PDE4D: variants seen among roughly 807,000 people sequenced by gnomAD.
PDE4D encodes the protein 3',5'-cyclic-AMP phosphodiesterase 4D.
PDE4D carries 24 observed loss-of-function variants against 87.4 expected under a neutral mutation model. The ratio of observed to expected loss-of-function variants is 0.27; its 90% CI spans 0.20 to 0.39. PDE4D has a LOEUF of 0.39. Among genes scored for constraint, PDE4D ranks in the 10% least tolerant of loss-of-function variants. PDE4D has a pLI of 1.00. For missense variants in PDE4D, 714 were observed against 1,041.0 expected, an observed-to-expected ratio of 0.69 and a Z score of 4.32; for synonymous variants, 384 against 383.2, an observed-to-expected ratio of 1.00 and a Z score of -0.02.
chr5:59,726,721 A>T (rs1363485619), intron 1 of PDE4D, among the ~76,000 whole-genome samples: 1 of 152,132 alleles, frequency 6.6e-6, no homozygotes, highest in South Asian at 2.1e-4. Context: ...TATTGATACA[A>T]CTTTAGCTAA....
chr5:59,973,418 A>G (rs564223931), intron 3 of PDE4D, among the ~76,000 whole-genome samples: 4 of 152,300 alleles, frequency 2.6e-5, no homozygotes, highest in Admixed American at 6.5e-5. Context: ...AAAACATTCT[A>G]AATACTTCCA....
chr5:59,461,782 T>TGCC (rs1800821180), intron 1 of PDE4D, among the ~76,000 whole-genome samples: 1 of 152,182 alleles, frequency 6.6e-6, no homozygotes, highest in South Asian at 2.1e-4. Context: ...TCTCCTAGTA[T>TGCC]GCCATCCTGG....
intron 2 of PDE4D, among the ~76,000 whole-genome samples, chr5:60,122,254 C>T (rs2149380898): frequency 1.3e-5 from 2 of 152,286 alleles, no homozygotes; most frequent in Admixed American, 1.3e-4. Context: ...GGCTGTGGCC[C>T]TCTTCTCATA....
intron 1 of PDE4D, among the ~76,000 whole-genome samples, chr5:59,301,566 C>T (rs976931915): frequency 2.0e-5 from 3 of 152,012 alleles, no homozygotes; most frequent in Non-Finnish European, 4.4e-5. Context: ...GAAAGAAGTG[C>T]GCTGTGAAAT....
intron 5 of PDE4D, among the ~76,000 whole-genome samples, chr5:59,151,213 C>T (rs1160900197): frequency 6.6e-6 from 1 of 152,168 alleles, no homozygotes; most frequent in African/African-American, 2.4e-5. Flanking sequence ...GATGCTTACT[C>T]TGTGCCAGTA....
intron 5 of PDE4D, among the ~76,000 whole-genome samples, chr5:59,089,654 T>A (rs1768340328): frequency 6.6e-6 from 1 of 152,168 alleles, no homozygotes; most frequent in Non-Finnish European, 1.5e-5. Context: ...TCCTTACAAC[T>A]GTATTATGCT....
intron 5 of PDE4D, among the ~76,000 whole-genome samples, chr5:59,098,737 G>C (rs1408439334): frequency 7.0e-6 from 1 of 143,404 alleles, no homozygotes; most frequent in Non-Finnish European, 1.5e-5. Context: ...AAAAAGAAAA[G>C]TAAAGAAAAT....
upstream of PDE4D, among the ~76,000 whole-genome samples, chr5:59,896,918 T>G (rs1229042309): frequency 2.6e-5 from 4 of 152,184 alleles, no homozygotes; most frequent in Non-Finnish European, 4.4e-5. Context: ...AACAAAAATG[T>G]AAAATATTCC....
intron 1 of PDE4D, among the ~76,000 whole-genome samples, chr5:59,863,751 G>A (rs1004039785): frequency 6.6e-6 from 1 of 152,162 alleles, no homozygotes. Context: ...AGTTCCCTAA[G>A]TACCAGATAT....
intron 1 of PDE4D, among the ~76,000 whole-genome samples, chr5:59,627,580 C>A (rs2150133959): frequency 6.6e-6 from 1 of 152,252 alleles, no homozygotes; most frequent in South Asian, 2.1e-4. Context: ...CAATGAATGC[C>A]TCCTTTAGGG....
intron 5 of PDE4D, among the ~76,000 whole-genome samples, chr5:59,171,188 T>G (rs1043719305): frequency 2.6e-5 from 4 of 152,128 alleles, no homozygotes; most frequent in Non-Finnish European, 5.9e-5. Flanking sequence ...GGCTCATACT[T>G]TCACTTTAAA....
At chr5:60,438,350 C>T (rs1248863717) in intron 1 of PDE4D, among the ~76,000 whole-genome samples, 1 of 152,128 alleles carries the variant, frequency 6.6e-6, no homozygotes, top group Non-Finnish European at 1.5e-5. Context: ...GCTCTCCTAT[C>T]TTCACCATCT....
At chr5:59,645,039 T>C (rs929995028) in intron 1 of PDE4D, among the ~76,000 whole-genome samples, 1 of 152,212 alleles carries the variant, frequency 6.6e-6, no homozygotes, top group African/African-American at 2.4e-5. Context: ...ATTTGAATTA[T>C]TGGCTATCAA....
rs552680936 is a variant in PDE4D, at chr5:60,458,799, CCTCAATATGCCACCT to C, written c.-90+29128_-90+29142del. On this transcript the variant is annotated intron_variant, in intron 1 of 16. Coordinates refer to the PDE4D transcript ENST00000502484. The stretch of plus-strand genomic sequence containing the variant: ...TATGCTGCAATCCATAAGTGCACCT[CCTCAATATGCCACCT>C]CTGAAAACCAAAAATGTAACAAGCA... 4.3e-4 allele frequency among the ~76,000 whole-genome samples: 65 copies of C among 152,232 alleles called. No individual in the cohort carries two copies. The East Asian group carries it at 0.013, about 29-fold the overall frequency.
rs76941801 is a variant in PDE4D, at chr5:59,515,742, C to T, written c.456-299774G>A. On this transcript the variant is annotated intron_variant, in intron 1 of 14. Transcript: ENST00000340635. ...GTGAATAAAAAATGTATAAGATCTTCGTAACAAAATGTATAAAATGCACTG... is the reference window on the plus strand; with the variant it reads ...GTGAATAAAAAATGTATAAGATCTTTGTAACAAAATGTATAAAATGCACTG... Among the ~76,000 whole-genome samples, 881 of 152,136 alleles carry T rather than the reference C, an allele frequency of 5.8e-3. 11 individuals are homozygous for T. The highest frequency in any genetic ancestry group is 0.021 in the African/African-American group (858 of 41,510).
At chr5:59,897,791 A>G (rs568972523), upstream of PDE4D, among the ~76,000 whole-genome samples, 10 of 152,302 alleles carry the variant, frequency 6.6e-5, no homozygotes, top group Middle Eastern at 3.4e-3. Flanking sequence ...CAGTCAGCTT[A>G]AAATCGGAAA....
Position 59,370,275 on chromosome 5 carries a change from C to T in PDE4D, c.456-154307G>A, listed in dbSNP as rs189032890. On this transcript the variant is annotated intron_variant, in intron 1 of 14. Transcript: ENST00000340635. ...AAAACCCTTTACTAGTTTCCCTCTC[C>T]ATTTGGGATAAAATCCAAACTCTTT... Among the ~76,000 whole-genome samples the T allele has an allele frequency of 3.8e-3, 578 of 152,276 alleles. 4 individuals carry two copies. Among genetic ancestry groups the T allele is most frequent in the Non-Finnish European group, 5.7e-3 (391 of 68,026 alleles).
intron 5 of PDE4D, among the ~76,000 whole-genome samples, chr5:59,130,552 A>G (rs1282074052): frequency 6.6e-6 from 1 of 152,264 alleles, no homozygotes; most frequent in Non-Finnish European, 1.5e-5. Flanking sequence ...TCAGAAGCAA[A>G]TTACAGCCAT....
At chr5:59,401,172 T>C (rs1790544633) in intron 1 of PDE4D, among the ~76,000 whole-genome samples, 1 of 152,206 alleles carries the variant, frequency 6.6e-6, no homozygotes, top group Non-Finnish European at 1.5e-5. Flanking sequence ...TGGCTGGGCA[T>C]GGTAGCTCAC....
Sources: gnomAD v4.1 joint callset for allele counts (sites outside exome capture counted in the v4.1 genomes callset) on GRCh38, gnomAD v4.1.1 for gene constraint, MANE v1.5 for transcripts, NCBI Gene and HGNC (gene_info 2026-07-23, HGNC 2026-07-21) for gene names.